The following SEPTIN9 variants were observed in gnomAD, a reference collection of about 807,000 sequenced individuals.
The protein encoded by SEPTIN9 is septin-9.
Under a neutral mutation model 56.6 loss-of-function variants are expected in SEPTIN9, and 13 were observed. That is an observed-to-expected ratio of 0.23 (90% CI 0.15 to 0.37). The LOEUF is 0.37. SEPTIN9 is among the 10% of genes least tolerant of loss of function. The pLI is 1.00. For missense variants in SEPTIN9, 650 were observed against 823.1 expected (o/e 0.79, Z 2.57); for synonymous variants, 332 against 334.1 (o/e 0.99, Z 0.07).
intron 2 of SEPTIN9, among the ~76,000 whole-genome samples, chr17:77,338,908 T>A (rs994412646): frequency 8.5e-5 from 13 of 152,362 alleles, no homozygotes; most frequent in African/African-American, 2.9e-4. Context: ...TCTTTTGTTG[T>A]CATTTCAACA....
At chr17:77,432,668 G>C (rs781672175) in intron 3 of SEPTIN9, among the ~76,000 whole-genome samples, 4 of 152,240 alleles carry the variant, frequency 2.6e-5, no homozygotes, top group African/African-American at 7.2e-5. Flanking sequence ...GGGACTGAGC[G>C]GGGGGTGTGT....
In SEPTIN9 at chr17:77,402,118, A is replaced by G; in HGVS notation, c.136A>G (p.Arg46Gly). The G allele has an allele frequency of 6.2e-7, 1 of 1,613,874 alleles. No individual in the cohort carries two copies. The highest frequency in any genetic ancestry group is 1.7e-5 in the Admixed American group (1 of 60,010). ...VETPNSTPPR[R>G]VQTPLLRATV... is the part of the protein sequence containing the mutation. ...GACACCCAACTCCACCCCACCCCGG[A>G]GGGTCCAGACTCCCCTACTCCGAGC... is the stretch of plus-strand genomic sequence containing the variant. The change falls in exon 3 of 12, where the codon AGG becomes GGG. Residue 46 changes from arginine to glycine, a missense_variant. By Grantham distance (125) the Arg-to-Gly change is moderately radical (BLOSUM62 -2). Coordinates refer to ENST00000427177, the MANE Select transcript of SEPTIN9 (RefSeq NM_001113491.2). The surrounding 1 kb of genome is among the most constrained non-coding windows in gnomAD (Gnocchi z 6.6).
intron 2 of SEPTIN9, among the ~76,000 whole-genome samples, chr17:77,358,648 T>C (rs1469301295): frequency 6.6e-6 from 1 of 152,002 alleles, no homozygotes; most frequent in African/African-American, 2.4e-5. Flanking sequence ...TCAAAAATAA[T>C]AAATAAATAA....
At chr17:77,455,164 C>T (rs906467741) in intron 3 of SEPTIN9, among the ~76,000 whole-genome samples, 2 of 152,140 alleles carry the variant, frequency 1.3e-5, no homozygotes, top group African/African-American at 4.8e-5. Flanking sequence ...TTGTCACTTT[C>T]CCTAAGCTAA....
At chr17:77,305,126 G>A (rs950403304) in intron 1 of SEPTIN9, among the ~76,000 whole-genome samples, 1 of 152,104 alleles carries the variant, frequency 6.6e-6, no homozygotes, top group East Asian at 1.9e-4. Flanking sequence ...CTGTCTGGAG[G>A]GACTGGCCAG....
At chr17:77,414,809 C>T (rs1171845444) in intron 3 of SEPTIN9, among the ~76,000 whole-genome samples, 4 of 152,136 alleles carry the variant, frequency 2.6e-5, no homozygotes, top group Non-Finnish European at 5.9e-5. Flanking sequence ...AACTCCTGGG[C>T]TCAAATGATC....
intron 1 of SEPTIN9, among the ~76,000 whole-genome samples, chr17:77,287,721 C>T (rs1279080943): frequency 1.3e-5 from 2 of 152,218 alleles, no homozygotes; most frequent in Non-Finnish European, 2.9e-5. Flanking sequence ...GGAGGGGCGG[C>T]TCCTGGGCAC....
chr17:77,407,282 C>CA (rs58585658), intron 3 of SEPTIN9, among the ~76,000 whole-genome samples: 2,872 of 44,502 alleles, frequency 0.065, 457 homozygotes, highest in Non-Finnish European at 0.074. Flanking sequence ...GACCCTGTCT[C>CA]AAAAAAAAAA....
intron 2 of SEPTIN9, among the ~76,000 whole-genome samples, chr17:77,314,720 C>G (rs1348637681): frequency 6.6e-6 from 1 of 152,228 alleles, no homozygotes; most frequent in African/African-American, 2.4e-5. Flanking sequence ...TACGAAGACC[C>G]TTTCCCGAAG....
rs778197566 is a variant in SEPTIN9 at position 77,464,414 on chromosome 17, C to T, written c.722-17730C>T. 3.4e-3 allele frequency among the ~76,000 whole-genome samples: 523 copies of T among 152,228 alleles called. 6 individuals are homozygous for T. The highest frequency in any genetic ancestry group is 3.6e-3 in the Non-Finnish European group (242 of 68,030). ...TTAATTTTCACACAGAGCATCCAGT[C>T]AGATTTGCTTCAGCCTCAAAGAGCG... On this transcript the variant is annotated intron_variant, in intron 3 of 11. Transcript: ENST00000427177.
chr17:77,407,391 G>C (rs563764785), intron 3 of SEPTIN9, among the ~76,000 whole-genome samples: 1 of 151,994 alleles, frequency 6.6e-6, no homozygotes, highest in South Asian at 2.1e-4. Context: ...CTGGTGGTGA[G>C]TTGGGATGGC....
chr17:77,433,736 C>T lies in SEPTIN9; in HGVS notation c.721+31033C>T, dbSNP rs750917534. 1.7e-4 allele frequency among the ~76,000 whole-genome samples: 26 copies of T among 152,136 alleles called. No homozygotes were observed. Among genetic ancestry groups the T allele is most frequent in the Admixed American group, 3.3e-4 (5 of 15,280 alleles). ...TGCCGGGACCTTCTCCTGCACCTCC[C>T]GAACCCCCGTTCCCTGTGAGTTAGA... On this transcript the variant is annotated intron_variant, in intron 3 of 11. Transcript: ENST00000427177. The surrounding 1 kb of genome is among the most constrained non-coding windows in gnomAD (Gnocchi z 6.4).
chr17:77,293,684 A>G (rs1598475179), intron 1 of SEPTIN9, among the ~76,000 whole-genome samples: 1 of 152,230 alleles, frequency 6.6e-6, no homozygotes, highest in East Asian at 1.9e-4. Flanking sequence ...TATCACAAAC[A>G]TCACTACATG....
chr17:77,390,451 G>A (rs1282185441), intron 2 of SEPTIN9, among the ~76,000 whole-genome samples: 1 of 126,742 alleles, frequency 7.9e-6, no homozygotes, highest in Non-Finnish European at 1.6e-5. Context: ...TGCACATTTC[G>A]CTTTTTTTTT....
At chr17:77,457,516 AC>A (rs1224758624) in intron 3 of SEPTIN9, among the ~76,000 whole-genome samples, 5 of 152,134 alleles carry the variant, frequency 3.3e-5, no homozygotes, top group Non-Finnish European at 7.4e-5. Context: ...CTTGGCAGAC[AC>A]CCTGAATGAG....
intron 2 of SEPTIN9, among the ~76,000 whole-genome samples, chr17:77,390,132 C>G (rs992352605): frequency 6.6e-6 from 1 of 151,976 alleles, no homozygotes; most frequent in Non-Finnish European, 1.5e-5. Context: ...GTGGCCTCCT[C>G]TGGAGCCTTT....
Position 77,475,750 on chromosome 17 carries a change from C to T in SEPTIN9, c.722-6394C>T. ...GGGCACCAGCTGTAGATGCCGGCAG[C>T]TTTCTCCTGGACACGGGCCTGGAAG... On this transcript the variant is annotated intron_variant, in intron 3 of 11. Transcript: ENST00000427177. The surrounding 1 kb of genome is among the most constrained non-coding windows in gnomAD (Gnocchi z 4.6). The T allele has an allele frequency of 6.2e-7, 1 of 1,613,100 alleles. No homozygotes were observed.
At position 77,487,346 on chromosome 17, in the gene SEPTIN9, G is replaced by T; in HGVS notation, c.914-78G>T. 1 of 1,484,908 alleles carries T rather than the reference G, an allele frequency of 6.7e-7. No individual in the cohort carries two copies. 92.0% of individuals were successfully genotyped at this position (1,484,908 alleles called of 1,614,324 possible). Reference sequence around the variant, plus strand: ...TCTCAGACTGGAGAGCCTCGTGCCTGGGTGGGAGGGGCCCCATGTGCAGAC... The same window carrying T: ...TCTCAGACTGGAGAGCCTCGTGCCTTGGTGGGAGGGGCCCCATGTGCAGAC... On this transcript the variant is annotated intron_variant, in intron 4 of 11. Transcript: ENST00000427177. The surrounding 1 kb of genome is among the most constrained non-coding windows in gnomAD (Gnocchi z 4.3).
chr17:77,344,529 G>T (rs759060872), intron 2 of SEPTIN9, among the ~76,000 whole-genome samples: 5 of 152,250 alleles, frequency 3.3e-5, no homozygotes, highest in African/African-American at 4.8e-5. Flanking sequence ...AGAACTGACA[G>T]CAGGGACTTG....
Sources: gnomAD v4.1 joint callset for allele counts (sites outside exome capture counted in the v4.1 genomes callset) on GRCh38, gnomAD v4.1.1 for gene constraint, Gnocchi (gnomAD v3.1) non-coding constraint, MANE v1.5 for transcripts, NCBI Gene and HGNC (gene_info 2026-07-23, HGNC 2026-07-21) for gene names.